NFIA: variants seen among roughly 807,000 people sequenced by gnomAD.
NFIA encodes the protein nuclear factor 1 A-type.
In NFIA, 8 loss-of-function variants were observed where a neutral mutation model predicts 62.8. That is an observed-to-expected ratio of 0.13 (90% CI 0.07 to 0.23). NFIA has a LOEUF of 0.23. Among genes scored for constraint, NFIA ranks in the 10% least tolerant of loss-of-function variants. NFIA has a pLI of 1.00. For synonymous variants in NFIA, 235 were observed against 238.1 expected, an observed-to-expected ratio of 0.99 and a Z score of 0.12; for missense variants, 410 against 642.1, an observed-to-expected ratio of 0.64 and a Z score of 3.91.
chr1:61,214,767 T>C (rs1209405859), intron 2 of NFIA, among the ~76,000 whole-genome samples: 1 of 152,248 alleles, frequency 6.6e-6, no homozygotes, highest in East Asian at 1.9e-4. Context: ...TTTGACATTA[T>C]AGGAGAATTG....
At chr1:61,214,798 A>G (rs376759510) in intron 2 of NFIA, among the ~76,000 whole-genome samples, 1 of 152,210 alleles carries the variant, frequency 6.6e-6, no homozygotes, top group Non-Finnish European at 1.5e-5. Context: ...GTAAGTACAT[A>G]CTTTGTTTAC....
At chr1:61,222,658 G>T (rs1654091315) in intron 2 of NFIA, among the ~76,000 whole-genome samples, 1 of 151,986 alleles carries the variant, frequency 6.6e-6, no homozygotes, top group Non-Finnish European at 1.5e-5. Flanking sequence ...TAAAGTATAG[G>T]TAAAACACTG....
chr1:61,359,848 G>A (rs1663187787), intron 6 of NFIA, among the ~76,000 whole-genome samples: 1 of 152,170 alleles, frequency 6.6e-6, no homozygotes, highest in Non-Finnish European at 1.5e-5. Flanking sequence ...GGCCAGGCTG[G>A]TCTCAAACTC....
intron 2 of NFIA, among the ~76,000 whole-genome samples, chr1:61,243,174 C>T (rs1477110728): frequency 6.6e-6 from 1 of 152,082 alleles, no homozygotes; most frequent in African/African-American, 2.4e-5. Context: ...GAAATCTGAA[C>T]TCTGTATCCT....
intron 2 of NFIA, among the ~76,000 whole-genome samples, chr1:61,167,882 T>C (rs553832578): frequency 5.9e-5 from 9 of 152,324 alleles, no homozygotes; most frequent in Admixed American, 5.2e-4. Flanking sequence ...GCAAAACCCC[T>C]AGCTCAAATC....
intron 2 of NFIA, among the ~76,000 whole-genome samples, chr1:61,229,674 A>C (rs1654547897): frequency 6.6e-6 from 1 of 152,102 alleles, no homozygotes; most frequent in Admixed American, 6.6e-5. Flanking sequence ...TTCCTCCCCA[A>C]CATGCATTTA....
chr1:61,234,069 T>C (rs1432874349), intron 2 of NFIA, among the ~76,000 whole-genome samples: 1 of 152,128 alleles, frequency 6.6e-6, no homozygotes, highest in Non-Finnish European at 1.5e-5. Context: ...AAAGACCTAA[T>C]GTAGAAAGTG....
intron 5 of NFIA, 77 bp downstream of exon 5, chr1:61,352,644 GATTT>G: frequency 1.1e-5 from 12 of 1,133,048 alleles, no homozygotes; most frequent in African/African-American, 1.5e-5. Context: ...GCCCACTATG[GATTT>G]AGCAATGCGC....
At chr1:61,342,977 T>C (rs1014186863) in intron 4 of NFIA, among the ~76,000 whole-genome samples, 1 of 152,244 alleles carries the variant, frequency 6.6e-6, no homozygotes, top group African/African-American at 2.4e-5. Flanking sequence ...ATAATTCAGG[T>C]AAAATACCTA....
Position 61,460,503 on chromosome 1 carries a change from C to T in NFIA, c.*5183C>T, listed in dbSNP as rs1010928734. The stretch of plus-strand genomic sequence containing the variant: ...GCTTTCCAACAGTGTAAATGCATAG[C>T]AGTGTTTATCTGCATGAGAACTATG... On this transcript the variant is annotated 3_prime_UTR_variant, in exon 11 of 11. Transcript: ENST00000403491. 6.6e-6 allele frequency: 1 copy of T among 152,158 alleles called. No homozygotes were observed. Among genetic ancestry groups the T allele is most frequent in the Non-Finnish European group, 1.5e-5 (1 of 68,024 alleles). The allele number at this position is 152,158 out of a possible 1,614,324, so 9.4% of individuals were successfully genotyped here.
intron 7 of NFIA, among the ~76,000 whole-genome samples, chr1:61,395,694 C>T (rs1159254861): frequency 6.6e-6 from 1 of 152,168 alleles, no homozygotes; most frequent in Non-Finnish European, 1.5e-5. Context: ...CATTTCACAT[C>T]AGCCATCATG....
chr1:61,294,883 C>T (rs959529936), intron 3 of NFIA, among the ~76,000 whole-genome samples: 1 of 152,168 alleles, frequency 6.6e-6, no homozygotes, highest in African/African-American at 2.4e-5. Context: ...GCATGTCATT[C>T]CCAGTCTATC....
chr1:61,391,082 A>G (rs928103928), intron 7 of NFIA, among the ~76,000 whole-genome samples: 2 of 152,038 alleles, frequency 1.3e-5, no homozygotes, highest in East Asian at 1.9e-4. Flanking sequence ...GTTTTGAGAC[A>G]GGGTCTCTCT....
intron 7 of NFIA, among the ~76,000 whole-genome samples, chr1:61,398,594 T>C (rs1227094551): frequency 6.6e-6 from 1 of 152,226 alleles, no homozygotes; most frequent in Non-Finnish European, 1.5e-5. Context: ...CATATCTGGG[T>C]CCTTTCACGT....
intron 2 of NFIA, among the ~76,000 whole-genome samples, chr1:61,099,992 C>T (rs1466178777): frequency 6.6e-6 from 1 of 152,116 alleles, no homozygotes; most frequent in Admixed American, 6.5e-5. Context: ...GTTTTTATCT[C>T]TAAGATGATC....
chr1:61,139,139 C>T (rs886835575), intron 2 of NFIA, among the ~76,000 whole-genome samples: 1 of 152,166 alleles, frequency 6.6e-6, no homozygotes, highest in African/African-American at 2.4e-5. Flanking sequence ...GATCACGTCA[C>T]TGCACTCCAG....
rs937710995 is a variant in NFIA, at chr1:61,082,579, A to T, written c.-213A>T. 1.1e-4 allele frequency: 159 copies of T among 1,472,932 alleles called. No homozygotes were observed. The highest frequency in any genetic ancestry group is 8.0e-4 in the African/African-American group (56 of 69,946). The allele number at this position is 1,472,932 out of a possible 1,614,324, so 91.2% of individuals were successfully genotyped here. On this transcript the variant is annotated 5_prime_UTR_variant, in exon 1 of 11. An upstream start codon of the reference 5' UTR is lost. Transcript: ENST00000403491. ...TCTAGGCGGGGTTAAAGTTCAGCTC[A>T]TGGAGCGGCAATAGCGCTGGCTGGC... is the stretch of plus-strand genomic sequence containing the variant.
intron 7 of NFIA, 94 bp from the exon 8 acceptor site, chr1:61,404,010 C>G: frequency 1.4e-6 from 2 of 1,408,878 alleles, no homozygotes; most frequent in East Asian, 2.3e-5. Flanking sequence ...GTGAATCGGG[C>G]CAGGAAGAGA....
intron 2 of NFIA, among the ~76,000 whole-genome samples, chr1:61,179,456 T>G (rs889112046): frequency 3.3e-5 from 5 of 152,232 alleles, no homozygotes; most frequent in Non-Finnish European, 7.3e-5. Context: ...AAAGTGGACA[T>G]AGCTGCCTCA....
Sources: allele counts gnomAD v4.1 joint callset (sites outside exome capture counted in the v4.1 genomes callset), GRCh38; gene constraint gnomAD v4.1.1; transcripts MANE v1.5; gene names NCBI Gene and HGNC (gene_info 2026-07-23, HGNC 2026-07-21).